Variants in NRG1 observed in about 807,000 individuals in gnomAD.
NRG1 encodes neuregulin 1.
In NRG1, 18 loss-of-function variants were observed where a neutral mutation model predicts 63.8. The observed-to-expected ratio is 0.28, with a 90% CI of 0.19 to 0.42. NRG1 has a LOEUF of 0.42. Among genes scored for constraint, NRG1 ranks in the 10% least tolerant of loss-of-function variants. The pLI, the probability that NRG1 is intolerant of heterozygous loss-of-function variation, is 1.00. For synonymous variants in NRG1, 302 were observed against 301.3 expected (o/e 1.00, Z -0.02); for missense variants, 762 against 814.7 (o/e 0.94, Z 0.79).
chr8:32,068,058 G>A (rs138234876), intron 1 of NRG1, among the ~76,000 whole-genome samples: 8 of 152,174 alleles, frequency 5.3e-5, no homozygotes, highest in East Asian at 1.9e-4. Flanking sequence ...TTTCCCTCCC[G>A]TGCTGAATAT....
At chr8:32,196,857 T>TTATATGC (rs1563897762) in intron 1 of NRG1, among the ~76,000 whole-genome samples, 1 of 150,882 alleles carries the variant, frequency 6.6e-6, no homozygotes, top group Non-Finnish European at 1.5e-5. Context: ...TTTTTATATG[T>TTATATGC]TTGCTCCCTT....
At chr8:32,430,091 A>G (rs988083618) in intron 1 of NRG1, among the ~76,000 whole-genome samples, 3 of 152,100 alleles carry the variant, frequency 2.0e-5, no homozygotes, top group African/African-American at 4.8e-5. Flanking sequence ...GCATTTTCCA[A>G]TAAAGTGTGT....
At chr8:31,790,362 TG>T (rs1244229126) in intron 1 of NRG1, among the ~76,000 whole-genome samples, 1 of 152,190 alleles carries the variant, frequency 6.6e-6, no homozygotes, top group Non-Finnish European at 1.5e-5. Flanking sequence ...GGAAGGGTAC[TG>T]GCTTGTTAGA....
At chr8:31,915,686 T>A (rs1434541330) in intron 1 of NRG1, among the ~76,000 whole-genome samples, 1 of 152,114 alleles carries the variant, frequency 6.6e-6, no homozygotes. Flanking sequence ...TCCTTTACAA[T>A]CTGTTTCCTA....
At chr8:32,207,245 A>AT (rs1844162418) in intron 1 of NRG1, among the ~76,000 whole-genome samples, 1 of 152,030 alleles carries the variant, frequency 6.6e-6, no homozygotes, top group Non-Finnish European at 1.5e-5. Flanking sequence ...ATGCAATACT[A>AT]TTATCTTTTT....
At chr8:32,362,957 A>G (rs779594616) in intron 1 of NRG1, among the ~76,000 whole-genome samples, 4 of 152,160 alleles carry the variant, frequency 2.6e-5, no homozygotes, top group Non-Finnish European at 4.4e-5. Flanking sequence ...AGGGGCCCTC[A>G]TTAGACCCAT....
intron 1 of NRG1, among the ~76,000 whole-genome samples, chr8:31,642,866 G>A (rs763243616): frequency 2.0e-5 from 3 of 152,102 alleles, no homozygotes; most frequent in Admixed American, 6.5e-5. Flanking sequence ...GTTTCTCCTC[G>A]CATTTTTACA....
intron 1 of NRG1, among the ~76,000 whole-genome samples, chr8:31,894,741 G>A (rs1831437636): frequency 6.6e-6 from 1 of 151,758 alleles, no homozygotes; most frequent in Admixed American, 6.6e-5. Flanking sequence ...TAGTAGAGAC[G>A]GAGTTTCACT....
chr8:32,096,374 A>G (rs1829906942), intron 1 of NRG1, among the ~76,000 whole-genome samples: 1 of 152,218 alleles, frequency 6.6e-6, no homozygotes, highest in African/African-American at 2.4e-5. Flanking sequence ...GTAATGATCA[A>G]ATCACACACT....
intron 1 of NRG1, among the ~76,000 whole-genome samples, chr8:31,869,715 A>C (rs1016959477): frequency 6.6e-6 from 1 of 152,210 alleles, no homozygotes; most frequent in Non-Finnish European, 1.5e-5. Context: ...CCAAGTTTGA[A>C]ACAGCAATCT....
exon 1 of NRG1, chr8:32,548,610 C>G (rs563841654): frequency 1.4e-6 from 2 of 1,389,480 alleles, no homozygotes; most frequent in Non-Finnish European, 9.3e-7. Flanking sequence ...AGCGCCTCAG[C>G]GCGGCCGCTC....
chr8:32,697,731 G>C (rs890558320), intron 5 of NRG1, among the ~76,000 whole-genome samples: 3 of 152,176 alleles, frequency 2.0e-5, no homozygotes, highest in African/African-American at 7.2e-5. Flanking sequence ...ACTTCAAATT[G>C]AACTGTCTTA....
intron 1 of NRG1, among the ~76,000 whole-genome samples, chr8:31,939,444 C>T (rs1404509364): frequency 6.6e-6 from 1 of 151,778 alleles, no homozygotes; most frequent in African/African-American, 2.4e-5. Flanking sequence ...TCAAAATACA[C>T]CAAAATAGAA....
chr8:32,492,515 C>T (rs559520528), intron 1 of NRG1, among the ~76,000 whole-genome samples: 2 of 151,664 alleles, frequency 1.3e-5, no homozygotes, highest in African/African-American at 4.8e-5. Flanking sequence ...CTTAGCTTAG[C>T]TTGTGAAACA....
At chr8:31,893,099 A>G (rs1274469498) in intron 1 of NRG1, among the ~76,000 whole-genome samples, 1 of 151,344 alleles carries the variant, frequency 6.6e-6, no homozygotes, top group Non-Finnish European at 1.5e-5. Flanking sequence ...ATGAGAGTGT[A>G]TGTATGATAT....
chr8:32,286,650 T>C (rs775080597), intron 1 of NRG1, among the ~76,000 whole-genome samples: 62 of 152,276 alleles, frequency 4.1e-4, no homozygotes, highest in Non-Finnish European at 7.4e-4. Context: ...CTCCTCTCTT[T>C]CTTCCTTTCT....
intron 1 of NRG1, among the ~76,000 whole-genome samples, chr8:32,219,526 G>A (rs1196701805): frequency 6.6e-6 from 1 of 152,078 alleles, no homozygotes; most frequent in Non-Finnish European, 1.5e-5. Flanking sequence ...ATTGCCAAAA[G>A]CCATTTATGA....
intron 1 of NRG1, among the ~76,000 whole-genome samples, chr8:32,063,767 TTTATG>T (rs200961399): frequency 0.024 from 3,720 of 152,246 alleles, 124 homozygotes; most frequent in African/African-American, 0.072. Context: ...AATACACTTT[TTTATG>T]TTTAATAAAA....
rs67857068 is a variant in NRG1, at chr8:32,040,711, C to CAT, written c.37+401305_37+401306dup. Among the ~76,000 whole-genome samples the CAT allele has an allele frequency of 6.6e-3, 564 of 85,304 alleles. 17 individuals are homozygous for CAT. Among genetic ancestry groups the CAT allele is most frequent in the African/African-American group, 0.023 (534 of 23,328 alleles). 56.0% of individuals were successfully genotyped at this position (85,304 alleles called of 152,430 possible). Reference sequence around the variant, plus strand: ...TATAAATTTAGTTCTGAAATTTAGGCATATATATATATATATATATATATA... The same window carrying CAT: ...TATAAATTTAGTTCTGAAATTTAGGCATATATATATATATATATATATATATA... On this transcript the variant is annotated intron_variant, in intron 1 of 10. Coordinates refer to the NRG1 transcript ENST00000519301.
Sources: gnomAD v4.1 joint callset for allele counts (sites outside exome capture counted in the v4.1 genomes callset) on GRCh38, gnomAD v4.1.1 for gene constraint, MANE v1.5 for transcripts, NCBI Gene and HGNC (gene_info 2026-07-23, HGNC 2026-07-21) for gene names.